The following EPHA3 variants were observed in gnomAD, a reference collection of about 807,000 sequenced individuals.
The protein encoded by EPHA3 is ephrin type-A receptor 3.
In EPHA3, 42 loss-of-function variants were observed where a neutral mutation model predicts 107.1. The ratio of observed to expected loss-of-function variants is 0.39; its 90% CI spans 0.31 to 0.51. EPHA3 has a LOEUF of 0.51. EPHA3 is among the 20% of genes least tolerant of loss of function. The probability of loss-of-function intolerance (pLI) is 0.78; values close to 1 mark genes in which losing one functional copy is unlikely to be tolerated. For synonymous variants in EPHA3, 461 were observed against 424.8 expected (o/e 1.09, Z -1.05); for missense variants, 1,183 against 1,211.2 (o/e 0.98, Z 0.35).
intron 7 of EPHA3, 43 bp from the exon 8 acceptor site, chr3:89,407,226 T>C (rs1010379182): frequency 1.4e-6 from 2 of 1,412,316 alleles, no homozygotes; most frequent in Non-Finnish European, 2.0e-6. Context: ...ATGTTAGTCA[T>C]GATTATAATA....
chr3:89,206,795 A>G (rs1217964670), intron 2 of EPHA3, among the ~76,000 whole-genome samples: 5 of 152,190 alleles, frequency 3.3e-5, no homozygotes, highest in Admixed American at 3.3e-4. Flanking sequence ...ATACATATAG[A>G]GTGGATGCAT....
intron 2 of EPHA3, among the ~76,000 whole-genome samples, chr3:89,147,129 G>A (rs1404076357): frequency 6.6e-6 from 1 of 151,694 alleles, no homozygotes; most frequent in Non-Finnish European, 1.5e-5. Context: ...AGTGGGAGCT[G>A]AATAATGAGA....
At chr3:89,228,631 T>C (rs1704555071) in intron 3 of EPHA3, among the ~76,000 whole-genome samples, 2 of 151,866 alleles carry the variant, frequency 1.3e-5, no homozygotes, top group South Asian at 4.1e-4. Context: ...GATTAACCAT[T>C]AAGGCATTAT....
intron 5 of EPHA3, among the ~76,000 whole-genome samples, chr3:89,342,546 CTGAT>C (rs1273660098): frequency 6.6e-6 from 1 of 152,054 alleles, no homozygotes; most frequent in Non-Finnish European, 1.5e-5. Context: ...TTATAAATCT[CTGAT>C]TGCTTAATAA....
At chr3:89,178,825 A>G (rs1425542278) in intron 2 of EPHA3, among the ~76,000 whole-genome samples, 1 of 151,884 alleles carries the variant, frequency 6.6e-6, no homozygotes, top group Non-Finnish European at 1.5e-5. Context: ...GTTTTATATC[A>G]GTTACTGCTT....
intron 3 of EPHA3, among the ~76,000 whole-genome samples, chr3:89,336,247 A>G (rs530752474): frequency 6.6e-6 from 1 of 151,458 alleles, no homozygotes; most frequent in East Asian, 2.0e-4. Context: ...ATTGTTACTC[A>G]CTAGTTTTAC....
In EPHA3 at chr3:89,242,598, T is replaced by C. The variant is rs964210363; in HGVS notation, c.814+32078T>C. Among the ~76,000 whole-genome samples the C allele has an allele frequency of 5.9e-4, 89 of 151,864 alleles. 1 individual carries two copies. The highest frequency in any genetic ancestry group is 1.1e-3 in the Non-Finnish European group (74 of 67,964). Reference sequence around the variant, plus strand: ...GACTACGGGCGCCCACCACCACACCTGGCTAATTTTTTGTATTTTTAGTAG... The same window carrying C: ...GACTACGGGCGCCCACCACCACACCCGGCTAATTTTTTGTATTTTTAGTAG... On this transcript the variant is annotated intron_variant, in intron 3 of 16. Coordinates refer to ENST00000336596, the MANE Select transcript of EPHA3 (RefSeq NM_005233.6).
intron 3 of EPHA3, among the ~76,000 whole-genome samples, chr3:89,241,932 A>T (rs1704905681): frequency 6.6e-6 from 1 of 152,220 alleles, no homozygotes; most frequent in Non-Finnish European, 1.5e-5. Flanking sequence ...GCAGATTTAT[A>T]AAACCTCAAG....
chr3:89,412,513 T>C, intron 9 of EPHA3, among the ~76,000 whole-genome samples: 1 of 151,718 alleles, frequency 6.6e-6, no homozygotes, highest in Non-Finnish European at 1.5e-5. Flanking sequence ...TACATGTATG[T>C]ATTATATATA....
intron 3 of EPHA3, among the ~76,000 whole-genome samples, chr3:89,230,965 C>T (rs1184239110): frequency 1.3e-5 from 2 of 151,874 alleles, no homozygotes; most frequent in African/African-American, 4.8e-5. Context: ...GGCTAAGTAT[C>T]TATGAATCTG....
At chr3:89,163,588 A>G (rs563889940) in intron 2 of EPHA3, among the ~76,000 whole-genome samples, 1 of 152,258 alleles carries the variant, frequency 6.6e-6, no homozygotes, top group East Asian at 1.9e-4. Flanking sequence ...GTATACTTCT[A>G]TTGAAATGTG....
chr3:89,363,682 G>A (rs554211545), intron 5 of EPHA3, among the ~76,000 whole-genome samples: 6 of 139,984 alleles, frequency 4.3e-5, no homozygotes, highest in East Asian at 2.0e-4. Flanking sequence ...GTGTGTGTGC[G>A]TGTGTGTGTG....
At chr3:89,377,774 A>G (rs1237346371) in intron 5 of EPHA3, among the ~76,000 whole-genome samples, 2 of 152,158 alleles carry the variant, frequency 1.3e-5, no homozygotes, top group African/African-American at 4.8e-5. Context: ...TCAATTCCAG[A>G]AGAAATCTGA....
intron 3 of EPHA3, among the ~76,000 whole-genome samples, chr3:89,304,158 G>GT (rs1483308497): frequency 6.6e-6 from 1 of 151,870 alleles, no homozygotes; most frequent in Non-Finnish European, 1.5e-5. Context: ...ACCAACTGTG[G>GT]TTTTCCCTCC....
At chr3:89,166,999 G>A (rs1438516864) in intron 2 of EPHA3, among the ~76,000 whole-genome samples, 1 of 152,152 alleles carries the variant, frequency 6.6e-6, no homozygotes, top group African/African-American at 2.4e-5. Context: ...AAATGTGTCT[G>A]AGGTGAAATG....
chr3:89,427,339 G>GT (rs1241704536), intron 11 of EPHA3, among the ~76,000 whole-genome samples: 1 of 151,706 alleles, frequency 6.6e-6, no homozygotes, highest in African/African-American at 2.4e-5. Flanking sequence ...AAATCAAAGA[G>GT]TTTTTTACAC....
intron 2 of EPHA3, among the ~76,000 whole-genome samples, chr3:89,172,802 T>A (rs537496768): frequency 2.0e-5 from 3 of 152,292 alleles, no homozygotes; most frequent in African/African-American, 4.8e-5. Context: ...ATTATGTGCA[T>A]GTCATAGGTA....
intron 1 of EPHA3, among the ~76,000 whole-genome samples, chr3:89,112,577 C>T (rs958488778): frequency 8.0e-5 from 12 of 150,088 alleles, no homozygotes; most frequent in African/African-American, 2.9e-4. Flanking sequence ...GTTACTTTTG[C>T]AAATGATTTT....
intron 3 of EPHA3, among the ~76,000 whole-genome samples, chr3:89,254,310 A>G (rs1187463098): frequency 1.3e-5 from 2 of 152,188 alleles, no homozygotes; most frequent in Admixed American, 6.6e-5. Flanking sequence ...CAAATAGTCA[A>G]TAATCCTTGT....
Sources: gnomAD v4.1 joint callset for allele counts (sites outside exome capture counted in the v4.1 genomes callset) on GRCh38, gnomAD v4.1.1 for gene constraint, MANE v1.5 for transcripts, NCBI Gene and HGNC (gene_info 2026-07-23, HGNC 2026-07-21) for gene names.